Variants in SSBP3 observed in about 807,000 individuals in gnomAD.
SSBP3 encodes the protein single-stranded DNA-binding protein 3.
Under a neutral mutation model 69.6 loss-of-function variants are expected in SSBP3, and 5 were observed. The observed-to-expected ratio is 0.07, with a 90% CI of 0.04 to 0.15. The LOEUF is 0.15. Ranked by LOEUF, SSBP3 falls within the 10% of genes least tolerant of loss-of-function variation. SSBP3 has a pLI of 1.00. For synonymous variants in SSBP3, 196 were observed against 193.4 expected, an observed-to-expected ratio of 1.01 and a Z score of -0.11; for missense variants, 312 against 534.0, an observed-to-expected ratio of 0.58 and a Z score of 4.10.
chr1:54,339,564 C>T (rs1362060033), intron 4 of SSBP3, among the ~76,000 whole-genome samples: 1 of 151,248 alleles, frequency 6.6e-6, no homozygotes, highest in Non-Finnish European at 1.5e-5. Context: ...CACATAGTAA[C>T]CACTAAAAAA....
intron 4 of SSBP3, among the ~76,000 whole-genome samples, chr1:54,364,200 A>G (rs779329816): frequency 2.6e-5 from 4 of 152,228 alleles, no homozygotes; most frequent in Non-Finnish European, 5.9e-5. Context: ...GCTGATTTCT[A>G]TGCTACAATG....
chr1:54,239,754 C>A (rs1644571639), intron 13 of SSBP3, among the ~76,000 whole-genome samples: 1 of 152,164 alleles, frequency 6.6e-6, no homozygotes. Flanking sequence ...AAAGAGAGAG[C>A]CGGAGTGGGA....
chr1:54,382,161 T>C (rs1319847923), intron 4 of SSBP3, among the ~76,000 whole-genome samples: 1 of 152,216 alleles, frequency 6.6e-6, no homozygotes, highest in Non-Finnish European at 1.5e-5. Flanking sequence ...GCCACTGCAC[T>C]CCAGCCTGGG....
chr1:54,269,385 T>C (rs1479388843), intron 5 of SSBP3, among the ~76,000 whole-genome samples: 1 of 152,120 alleles, frequency 6.6e-6, no homozygotes, highest in African/African-American at 2.4e-5. Flanking sequence ...CACTGGACTC[T>C]TATATCCACG....
intron 4 of SSBP3, among the ~76,000 whole-genome samples, chr1:54,380,145 A>C (rs896358623): frequency 6.6e-6 from 1 of 152,110 alleles, no homozygotes; most frequent in Non-Finnish European, 1.5e-5. Context: ...TGGGCGCCCA[A>C]GTTGGTGGCG....
At chr1:54,361,353 A>G (rs945854541) in intron 4 of SSBP3, among the ~76,000 whole-genome samples, 1 of 152,252 alleles carries the variant, frequency 6.6e-6, no homozygotes, top group Non-Finnish European at 1.5e-5. Context: ...TAATTCATCT[A>G]GAGTTTTTTG....
At chr1:54,320,822 G>A (rs369107616) in intron 4 of SSBP3, among the ~76,000 whole-genome samples, 1 of 152,144 alleles carries the variant, frequency 6.6e-6, no homozygotes, top group Non-Finnish European at 1.5e-5. Flanking sequence ...GGGCTTTCTC[G>A]GAAACTGCAG....
At chr1:54,379,233 G>A (rs767267123) in intron 4 of SSBP3, among the ~76,000 whole-genome samples, 1 of 152,206 alleles carries the variant, frequency 6.6e-6, no homozygotes, top group Non-Finnish European at 1.5e-5. Context: ...GAGGGCCTTC[G>A]CCAGCAGCAC....
intron 4 of SSBP3, among the ~76,000 whole-genome samples, chr1:54,362,170 G>A (rs1041253706): frequency 6.6e-6 from 1 of 152,162 alleles, no homozygotes; most frequent in African/African-American, 2.4e-5. Flanking sequence ...AAACATCTCA[G>A]CAAGAAAGAT....
upstream of SSBP3, among the ~76,000 whole-genome samples, chr1:54,406,712 G>C (rs931640880): frequency 1.1e-3 from 171 of 152,044 alleles, 2 homozygotes; most frequent in African/African-American, 3.8e-3. Context: ...TCTGACCCGC[G>C]CTCCCCGCGG....
At chr1:54,382,985 CAAAAAAA>C (rs781100304) in intron 4 of SSBP3, among the ~76,000 whole-genome samples, 4 of 89,960 alleles carry the variant, frequency 4.4e-5, no homozygotes, top group Non-Finnish European at 9.2e-5. Context: ...AACTCCATGA[CAAAAAAA>C]AAAAAAAAAG....
intron 4 of SSBP3, among the ~76,000 whole-genome samples, chr1:54,327,267 AGG>A (rs1337016503): frequency 1.1e-4 from 17 of 148,156 alleles, no homozygotes; most frequent in African/African-American, 3.9e-4. Flanking sequence ...GAAGGAAGGA[AGG>A]AAAACAACAA....
intron 12 of SSBP3, 112 bp downstream of exon 12, chr1:54,241,362 C>A (rs1458537525): frequency 5.0e-6 from 6 of 1,212,092 alleles, no homozygotes; most frequent in African/African-American, 1.5e-5. Context: ...AGTTTGGAAC[C>A]TCTGCTCAGA....
intron 4 of SSBP3, among the ~76,000 whole-genome samples, chr1:54,303,596 A>G (rs1156535046): frequency 6.6e-6 from 1 of 152,194 alleles, no homozygotes; most frequent in African/African-American, 2.4e-5. Context: ...AACAGCAGTC[A>G]AGAAACTGCA....
Position 54,318,804 on chromosome 1 carries a change from A to G in SSBP3, c.277-37277T>C, listed in dbSNP as rs529104782. Reference sequence around the variant, plus strand: ...CACTACAAAGATATTCCAGACTATTATATCACTGTACCAGCCTTACCTATG... The same window carrying G: ...CACTACAAAGATATTCCAGACTATTGTATCACTGTACCAGCCTTACCTATG... On this transcript the variant is annotated intron_variant, in intron 4 of 17. Transcript: ENST00000610401. 5.9e-5 allele frequency among the ~76,000 whole-genome samples: 9 copies of G among 152,266 alleles called. No individual in the cohort carries two copies. The South Asian group carries it at 1.9e-3, about 32-fold the overall frequency.
At chr1:54,329,148 C>G (rs1410437795) in intron 4 of SSBP3, among the ~76,000 whole-genome samples, 2 of 152,134 alleles carry the variant, frequency 1.3e-5, no homozygotes, top group African/African-American at 4.8e-5. Context: ...GAGTCTATTC[C>G]CCTGCCCCCA....
intron 4 of SSBP3, among the ~76,000 whole-genome samples, chr1:54,390,027 A>G (rs1490277813): frequency 6.6e-6 from 1 of 152,160 alleles, no homozygotes; most frequent in African/African-American, 2.4e-5. Flanking sequence ...GAGTATGACA[A>G]TAGACAAAAC....
chr1:54,237,798 C>T (rs957448752), intron 14 of SSBP3: 2 of 247,920 alleles, frequency 8.1e-6, no homozygotes, highest in Non-Finnish European at 1.6e-5. Context: ...CTGCAGCAGA[C>T]TCCTAGGCAA....
At chr1:54,360,951 C>G (rs1490549827) in intron 4 of SSBP3, among the ~76,000 whole-genome samples, 1 of 150,466 alleles carries the variant, frequency 6.6e-6, no homozygotes, top group Non-Finnish European at 1.5e-5. Flanking sequence ...CCAGATGTGG[C>G]AAGGGGTACA....
Sources: allele counts gnomAD v4.1 joint callset (sites outside exome capture counted in the v4.1 genomes callset), GRCh38; gene constraint gnomAD v4.1.1; transcripts MANE v1.5; gene names NCBI Gene and HGNC (gene_info 2026-07-23, HGNC 2026-07-21).